UNC5D: variants seen among roughly 807,000 people sequenced by gnomAD.
UNC5D encodes netrin receptor UNC5D.
A neutral mutation model predicts 105.4 loss-of-function variants in UNC5D; 39 were observed. The observed-to-expected ratio is 0.37, with a 90% confidence interval of 0.29 to 0.48. UNC5D has a LOEUF of 0.48. UNC5D is among the 20% of genes least tolerant of loss of function. The probability of loss-of-function intolerance (pLI) is 0.98; values close to 1 mark genes in which losing one functional copy is unlikely to be tolerated. For synonymous variants in UNC5D, 452 were observed against 450.4 expected, an observed-to-expected ratio of 1.00 and a Z score of -0.04; for missense variants, 991 against 1,202.4, an observed-to-expected ratio of 0.82 and a Z score of 2.60.
rs574930726 is a variant in UNC5D at position 35,325,377 on chromosome 8, T to C, written c.103+89490T>C. On this transcript the variant is annotated intron_variant, in intron 1 of 16. Coordinates refer to ENST00000404895, the MANE Select transcript of UNC5D (RefSeq NM_080872.4). ...GTAAAAACTTAAGCTCATCAATGGT[T>C]TTGTAACAAAGGAAGATAGATCTCA... 2.1e-4 allele frequency among the ~76,000 whole-genome samples: 32 copies of C among 152,262 alleles called. 2 individuals carry two copies. Among genetic ancestry groups the C allele is most frequent in the East Asian group, 1.9e-3 (10 of 5,176 alleles).
chr8:35,612,951 G>C (rs763618088), intron 4 of UNC5D, among the ~76,000 whole-genome samples: 1 of 151,958 alleles, frequency 6.6e-6, no homozygotes, highest in African/African-American at 2.4e-5. Context: ...AGGTGGTCTC[G>C]TACAAGATGG....
intron 1 of UNC5D, among the ~76,000 whole-genome samples, chr8:35,417,966 C>T (rs144585743): frequency 1.3e-5 from 2 of 152,216 alleles, no homozygotes; most frequent in East Asian, 3.9e-4. Flanking sequence ...TTTAACTATG[C>T]TAATTTTCAA....
intron 4 of UNC5D, among the ~76,000 whole-genome samples, chr8:35,658,002 C>T (rs1056336420): frequency 6.6e-6 from 1 of 152,118 alleles, no homozygotes; most frequent in African/African-American, 2.4e-5. Context: ...CCGCCAAAGA[C>T]ATAATGACTA....
intron 12 of UNC5D, 93 bp from the exon 13 acceptor site, chr8:35,750,489 T>C: frequency 1.5e-6 from 2 of 1,311,180 alleles, no homozygotes; most frequent in South Asian, 2.5e-5. Context: ...AACAAATTTA[T>C]ATTTGTGTGT....
chr8:35,514,339 G>A (rs1812975160), intron 1 of UNC5D, among the ~76,000 whole-genome samples: 1 of 152,124 alleles, frequency 6.6e-6, no homozygotes, highest in Non-Finnish European at 1.5e-5. Flanking sequence ...ACACAACTAG[G>A]GAGTGAGCAA....
intron 4 of UNC5D, among the ~76,000 whole-genome samples, chr8:35,611,783 T>C (rs769123473): frequency 5.9e-5 from 9 of 152,224 alleles, no homozygotes; most frequent in Non-Finnish European, 2.9e-5. Flanking sequence ...CAATTTGCTC[T>C]TTTCAAAACA....
At chr8:35,420,370 T>A (rs538683894) in intron 1 of UNC5D, among the ~76,000 whole-genome samples, 7 of 152,208 alleles carry the variant, frequency 4.6e-5, no homozygotes, top group Non-Finnish European at 1.0e-4. Context: ...CTCATTAGAA[T>A]CAATGAACAC....
At chr8:35,268,974 C>T (rs1423260318) in intron 1 of UNC5D, among the ~76,000 whole-genome samples, 2 of 152,038 alleles carry the variant, frequency 1.3e-5, no homozygotes, top group Non-Finnish European at 2.9e-5. Flanking sequence ...GGATGAACCA[C>T]GAATTCATGA....
chr8:35,765,940 C>T (rs192640395), intron 14 of UNC5D, among the ~76,000 whole-genome samples: 18 of 152,220 alleles, frequency 1.2e-4, no homozygotes, highest in Middle Eastern at 3.4e-3. Context: ...CATATGTGGT[C>T]ATTGCCAAGG....
intron 1 of UNC5D, among the ~76,000 whole-genome samples, chr8:35,469,702 A>T (rs1252550078): frequency 1.3e-5 from 2 of 152,222 alleles, no homozygotes; most frequent in Non-Finnish European, 2.9e-5. Flanking sequence ...AAGGGCATTT[A>T]AGGAAAACTA....
intron 3 of UNC5D, among the ~76,000 whole-genome samples, chr8:35,570,781 C>G (rs1415649263): frequency 6.6e-6 from 1 of 151,620 alleles, no homozygotes; most frequent in Non-Finnish European, 1.5e-5. Context: ...TGGAGAAACC[C>G]CATCTCTACT....
At chr8:35,771,436 C>T (rs1189679875) in intron 15 of UNC5D, among the ~76,000 whole-genome samples, 1 of 152,176 alleles carries the variant, frequency 6.6e-6, no homozygotes, top group Non-Finnish European at 1.5e-5. Context: ...AAAAATTCTG[C>T]TTCTAGTTTC....
intron 4 of UNC5D, among the ~76,000 whole-genome samples, chr8:35,681,864 AG>A (rs1351392779): frequency 6.6e-6 from 1 of 152,154 alleles, no homozygotes; most frequent in Non-Finnish European, 1.5e-5. Flanking sequence ...ACTTGGGGTA[AG>A]TATGGAAGGA....
At chr8:35,403,161 G>A (rs959907078) in intron 1 of UNC5D, among the ~76,000 whole-genome samples, 2 of 152,218 alleles carry the variant, frequency 1.3e-5, no homozygotes, top group African/African-American at 4.8e-5. Context: ...AGAAATGAAA[G>A]CATAGCTATT....
chr8:35,275,293 A>G (rs1025243193), intron 1 of UNC5D, among the ~76,000 whole-genome samples: 1 of 152,092 alleles, frequency 6.6e-6, no homozygotes, highest in African/African-American at 2.4e-5. Flanking sequence ...CTTGGGTAGA[A>G]GAAATCTAAT....
At chr8:35,493,305 C>T (rs201251955) in intron 1 of UNC5D, among the ~76,000 whole-genome samples, 2 of 67,646 alleles carry the variant, frequency 3.0e-5, no homozygotes, top group South Asian at 1.0e-3. Context: ...AAAAAAAAAA[C>T]ACACCAAAAA....
intron 1 of UNC5D, among the ~76,000 whole-genome samples, chr8:35,248,892 A>G (rs1223629156): frequency 2.5e-4 from 23 of 90,698 alleles, no homozygotes; most frequent in African/African-American, 1.1e-3. Flanking sequence ...TATATTATAT[A>G]AATATATAAT....
At chr8:35,381,531 G>A (rs994629590) in intron 1 of UNC5D, among the ~76,000 whole-genome samples, 1 of 152,188 alleles carries the variant, frequency 6.6e-6, no homozygotes, top group Admixed American at 6.5e-5. Context: ...AGACTCAGCT[G>A]TGGGCCGTGA....
chr8:35,474,670 G>A (rs529137401), intron 1 of UNC5D, among the ~76,000 whole-genome samples: 113 of 152,170 alleles, frequency 7.4e-4, no homozygotes, highest in Non-Finnish European at 1.4e-3. Context: ...AGCCTGGCGG[G>A]ATTGGGGATC....
Sources: gnomAD v4.1 joint callset for allele counts (sites outside exome capture counted in the v4.1 genomes callset) on GRCh38, gnomAD v4.1.1 for gene constraint, MANE v1.5 for transcripts, NCBI Gene and HGNC (gene_info 2026-07-23, HGNC 2026-07-21) for gene names.